Variants in MLIP observed in about 807,000 individuals in gnomAD.
MLIP encodes the protein muscular LMNA-interacting protein.
MLIP carries 79 observed loss-of-function variants against 84.8 expected under a neutral mutation model. The observed-to-expected ratio is 0.93, with a 90% confidence interval of 0.78 to 1.12. The LOEUF (loss-of-function observed/expected upper bound fraction) is 1.12, where lower values mean the gene tolerates loss of function less well. Ranked by LOEUF, MLIP falls within the 50% of genes most tolerant of loss-of-function variation. The pLI is 0.00. For synonymous variants in MLIP, 504 were observed against 463.0 expected, an observed-to-expected ratio of 1.09 and a Z score of -1.14; for missense variants, 1,257 against 1,160.6, an observed-to-expected ratio of 1.08 and a Z score of -1.21.
chr6:54,052,451 T>A (rs1765429477), intron 1 of MLIP, among the ~76,000 whole-genome samples: 4 of 152,186 alleles, frequency 2.6e-5, no homozygotes, highest in Admixed American at 2.6e-4. Flanking sequence ...TTAGATTATG[T>A]TTAATAACAC....
chr6:54,172,669 C>T (rs921867707), intron 9 of MLIP, among the ~76,000 whole-genome samples: 5 of 150,722 alleles, frequency 3.3e-5, no homozygotes, highest in Admixed American at 1.3e-4. Context: ...ATGGCTAATT[C>T]CACTTTATAG....
intron 1 of MLIP, among the ~76,000 whole-genome samples, chr6:54,027,320 C>T (rs1763862280): frequency 6.6e-6 from 1 of 151,446 alleles, no homozygotes; most frequent in African/African-American, 2.4e-5. Flanking sequence ...TATATTTTCT[C>T]ACACTTAACC....
chr6:54,239,245 G>C lies in MLIP; in HGVS notation c.2922+8328G>C, dbSNP rs1582595543. Among the ~76,000 whole-genome samples, 6 of 151,688 alleles carry C rather than the reference G, an allele frequency of 4.0e-5. No homozygotes were observed. In the South Asian group the frequency reaches 1.3e-3, roughly 32 times the overall value. ...CACTCTCACTCGCAGACCCCAGGCT[G>C]TTGTCATTGCTCAAGGTCAGGGCAT... On this transcript the variant is annotated intron_variant, in intron 12 of 13. Coordinates refer to ENST00000502396, the MANE Select transcript of MLIP (RefSeq NM_001281747.2).
At chr6:54,264,141 C>G (rs780743181) in intron 13 of MLIP, among the ~76,000 whole-genome samples, 5 of 152,024 alleles carry the variant, frequency 3.3e-5, no homozygotes, top group Non-Finnish European at 7.4e-5. Context: ...GCTAAGCTTG[C>G]TGGCATGGCA....
At chr6:54,216,779 G>T in intron 11 of MLIP, 1 of 985,342 alleles carries the variant, frequency 1.0e-6, no homozygotes, top group Non-Finnish European at 1.2e-6. Flanking sequence ...TAAGCAAGAA[G>T]ATATGCCATA....
intron 10 of MLIP, among the ~76,000 whole-genome samples, chr6:54,191,581 A>G (rs561310284): frequency 7.2e-5 from 11 of 152,252 alleles, no homozygotes; most frequent in Admixed American, 2.6e-4. Flanking sequence ...GGTAAGTCAA[A>G]AGTCCGGGAG....
At chr6:54,066,320 G>A (rs1766225989) in intron 1 of MLIP, among the ~76,000 whole-genome samples, 1 of 100,268 alleles carries the variant, frequency 1.0e-5, no homozygotes. Context: ...ATTTCTATGA[G>A]CATTAAATAT....
chr6:54,194,574 C>A (rs898864449), intron 10 of MLIP, among the ~76,000 whole-genome samples: 4 of 152,016 alleles, frequency 2.6e-5, no homozygotes, highest in Non-Finnish European at 5.9e-5. Context: ...AAAAACACAT[C>A]AAGTAGGTAC....
chr6:54,049,294 G>T (rs1298927513), intron 1 of MLIP, among the ~76,000 whole-genome samples: 2 of 152,116 alleles, frequency 1.3e-5, no homozygotes, highest in Non-Finnish European at 2.9e-5. Context: ...GAAAGCATCT[G>T]CTTTATATAA....
At chr6:54,188,107 G>A (rs1652892266) in intron 9 of MLIP, among the ~76,000 whole-genome samples, 1 of 152,112 alleles carries the variant, frequency 6.6e-6, no homozygotes, top group South Asian at 2.1e-4. Flanking sequence ...CAGTGTAAAA[G>A]ATAAAAAGTG....
At chr6:54,154,522 A>G (rs4380743) in intron 5 of MLIP, among the ~76,000 whole-genome samples, 119,483 of 152,098 alleles carry the variant, frequency 0.79, 47,780 homozygotes, top group African/African-American at 0.93. Context: ...TTTGATGCTC[A>G]AAGAAGCCAA....
At chr6:54,111,436 C>T, upstream of MLIP, 5 of 1,534,920 alleles carry the variant, frequency 3.3e-6, no homozygotes, top group Non-Finnish European at 4.4e-6. Flanking sequence ...GGCTCCCTTC[C>T]CACCTCAGTC....
chr6:54,173,993 T>C (rs1212570566), intron 9 of MLIP, among the ~76,000 whole-genome samples: 1 of 151,930 alleles, frequency 6.6e-6, no homozygotes, highest in Non-Finnish European at 1.5e-5. Flanking sequence ...GTGTTGTTTG[T>C]CCTTCTGTGC....
upstream of MLIP, among the ~76,000 whole-genome samples, chr6:54,108,061 G>A (rs1054327597): frequency 6.6e-6 from 1 of 152,096 alleles, no homozygotes; most frequent in African/African-American, 2.4e-5. Flanking sequence ...CAGCTGAAAG[G>A]TATTGCAGTA....
At chr6:54,242,533 G>A (rs114940311) in intron 12 of MLIP, among the ~76,000 whole-genome samples, 1,911 of 152,094 alleles carry the variant, frequency 0.013, 30 homozygotes, top group African/African-American at 0.042. Context: ...TTTGCCAGAG[G>A]TTTCTTCTGA....
chr6:54,090,661 ATGTGTGTG>A (rs145816939), intron 1 of MLIP, among the ~76,000 whole-genome samples: 2 of 147,194 alleles, frequency 1.4e-5, no homozygotes, highest in Admixed American at 6.8e-5. Context: ...GTGTGTGTGT[ATGTGTGTG>A]TGTGTGTGTG....
At chr6:54,254,241 C>T (rs188914041) in intron 12 of MLIP, among the ~76,000 whole-genome samples, 227 of 151,630 alleles carry the variant, frequency 1.5e-3, no homozygotes, top group South Asian at 2.9e-3. Context: ...ATTCTCCTGC[C>T]TCAGCCTCCT....
intron 3 of MLIP, among the ~76,000 whole-genome samples, chr6:54,132,864 G>T (rs1383853255): frequency 6.6e-6 from 1 of 152,142 alleles, no homozygotes; most frequent in Admixed American, 6.6e-5. Flanking sequence ...GTACAGGATG[G>T]TTTGCAAAAT....
intron 1 of MLIP, among the ~76,000 whole-genome samples, chr6:54,054,859 T>C (rs1169506063): frequency 6.6e-6 from 1 of 152,144 alleles, no homozygotes; most frequent in Non-Finnish European, 1.5e-5. Context: ...AGTATATTAG[T>C]TACAGTGCTT....
Sources: allele counts gnomAD v4.1 joint callset (sites outside exome capture counted in the v4.1 genomes callset), GRCh38; gene constraint gnomAD v4.1.1; transcripts MANE v1.5; gene names NCBI Gene and HGNC (gene_info 2026-07-23, HGNC 2026-07-21).